EML5: variants seen among roughly 807,000 people sequenced by gnomAD.
EML5 encodes echinoderm microtubule-associated protein-like 5.
Under a neutral mutation model 250.0 loss-of-function variants are expected in EML5, and 120 were observed. The observed-to-expected ratio is 0.48, with a 90% CI of 0.41 to 0.56. EML5 has a LOEUF of 0.56. EML5 is among the 20% of genes least tolerant of loss of function. The pLI is 0.00. For synonymous variants in EML5, 771 were observed against 806.5 expected (o/e 0.96, Z 0.75); for missense variants, 2,006 against 2,437.6 (o/e 0.82, Z 3.73).
At chr14:88,658,053 G>T in intron 26 of EML5, 134 bp downstream of exon 26, 1 of 814,778 alleles carries the variant, frequency 1.2e-6, no homozygotes, top group Non-Finnish European at 1.9e-6. Context: ...AATGGATTTT[G>T]ATGTTAAACA....
At chr14:88,734,930 T>A (rs919775692) in intron 7 of EML5, among the ~76,000 whole-genome samples, 26 of 152,116 alleles carry the variant, frequency 1.7e-4, no homozygotes, top group Admixed American at 1.2e-3. Context: ...CTCATTTGGG[T>A]CCTGATTTTA....
chr14:88,678,411 A>T (rs1165277393), intron 21 of EML5, among the ~76,000 whole-genome samples: 1 of 152,156 alleles, frequency 6.6e-6, no homozygotes, highest in Non-Finnish European at 1.5e-5. Context: ...ACAAACCTGC[A>T]CATCCTGCAC....
chr14:88,744,997 C>T (rs185370814), intron 3 of EML5, among the ~76,000 whole-genome samples: 13 of 152,130 alleles, frequency 8.5e-5, no homozygotes, highest in Admixed American at 8.5e-4. Context: ...AAATATTCAA[C>T]CACAATAATA....
intron 21 of EML5, among the ~76,000 whole-genome samples, chr14:88,671,009 C>T (rs569666235): frequency 4.0e-4 from 61 of 152,142 alleles, no homozygotes; most frequent in Non-Finnish European, 7.5e-4. Flanking sequence ...AGGAGAACTT[C>T]CCCAACCTAA....
In EML5 at chr14:88,792,487, G is replaced by A; in HGVS notation, c.17C>T (p.Ala6Val). The change falls in exon 1 of 44, where the codon GCC becomes GTC. Residue 6 changes from alanine (A) to valine (V), a missense_variant. By Grantham distance (64) the Ala-to-Val change is moderately conservative. Around this residue, in one of 7 missense-constraint regions of EML5, gnomAD observed 162 missense variants for 212.2 expected, o/e 0.76. Transcript: ENST00000554922. The surrounding 1 kb of genome is among the most constrained non-coding windows in gnomAD (Gnocchi z 6.9). ...CTCGAGCCGCAGGTGGCAGCTCGGG[G>A]CGCTCCGGGCCGCCATGTCGGGGCG... MAARS[A>V]PSCHLRLEWV... The A allele has an allele frequency of 2.1e-6, 3 of 1,449,422 alleles. No homozygotes were observed. The highest frequency in any genetic ancestry group is 2.7e-6 in the Non-Finnish European group (3 of 1,093,466). The allele number at this position is 1,449,422 out of a possible 1,614,324, so 89.8% of individuals were successfully genotyped here.
In EML5 at chr14:88,738,866, G is replaced by A. The variant is rs561009192; in HGVS notation, c.847+13C>T. On this transcript the variant is annotated intron_variant, in intron 6 of 43. Transcript: ENST00000554922. ...GAGTTTGCCTAGTAATAAGACATTT[G>A]TTTTGTTATTACCTTTGTATCCCTG... 14 of 1,552,890 alleles carry A rather than the reference G, an allele frequency of 9.0e-6. No individual in the cohort carries two copies. In the East Asian group the frequency reaches 3.3e-4, roughly 37 times the overall value.
At chr14:88,752,226 C>T (rs1336856847) in intron 2 of EML5, among the ~76,000 whole-genome samples, 4 of 151,958 alleles carry the variant, frequency 2.6e-5, no homozygotes, top group Non-Finnish European at 5.9e-5. Context: ...CTCAGCAATG[C>T]AATATATTAC....
intron 33 of EML5, 67 bp from the exon 34 acceptor site, chr14:88,627,886 T>G (rs1397835264): frequency 7.1e-7 from 1 of 1,410,196 alleles, no homozygotes; most frequent in South Asian, 1.2e-5. Flanking sequence ...CTAAAGCTTA[T>G]GCATATTCAT....
At chr14:88,616,589 A>G (rs1018033068) in intron 42 of EML5, 137 bp downstream of exon 42, 1 of 867,938 alleles carries the variant, frequency 1.2e-6, no homozygotes. Flanking sequence ...TTTTATTTCA[A>G]AGTAAATAGA....
At chr14:88,741,575 A>G (rs892217569) in intron 4 of EML5, among the ~76,000 whole-genome samples, 6 of 152,104 alleles carry the variant, frequency 3.9e-5, no homozygotes, top group Non-Finnish European at 7.4e-5. Context: ...ACACAGTGGC[A>G]AACGCCTGTA....
chr14:88,763,707 A>T (rs1346454725), intron 1 of EML5, among the ~76,000 whole-genome samples: 3 of 152,224 alleles, frequency 2.0e-5, no homozygotes, highest in Non-Finnish European at 4.4e-5. Context: ...AAACAAAAAA[A>T]GGAAATTTCA....
intron 7 of EML5, among the ~76,000 whole-genome samples, chr14:88,732,317 T>C (rs1891762301): frequency 6.6e-6 from 1 of 152,198 alleles, no homozygotes; most frequent in Non-Finnish European, 1.5e-5. Flanking sequence ...ATTTATTAAA[T>C]AGGGAATCGT....
chr14:88,769,790 C>T (rs944017305), intron 1 of EML5, among the ~76,000 whole-genome samples: 4 of 152,054 alleles, frequency 2.6e-5, no homozygotes, highest in East Asian at 1.9e-4. Flanking sequence ...GATTCTAATC[C>T]GAAACCACAG....
At chr14:88,785,440 C>A (rs552243910) in intron 1 of EML5, among the ~76,000 whole-genome samples, 21 of 152,172 alleles carry the variant, frequency 1.4e-4, no homozygotes, top group African/African-American at 4.8e-4. Flanking sequence ...ATCTCATGTA[C>A]CCCATAAATA....
intron 2 of EML5, among the ~76,000 whole-genome samples, 181 bp downstream of exon 2, chr14:88,754,331 C>T (rs1313765136): frequency 6.6e-6 from 1 of 152,056 alleles, no homozygotes; most frequent in African/African-American, 2.4e-5. Context: ...TGAGAAAGTT[C>T]TTGACATGAT....
At chr14:88,748,261 G>T (rs2140318477) in intron 2 of EML5, among the ~76,000 whole-genome samples, 1 of 152,246 alleles carries the variant, frequency 6.6e-6, no homozygotes, top group East Asian at 1.9e-4. Flanking sequence ...AGAAATTCTA[G>T]AAAAAGAACA....
chr14:88,712,580 G>A, intron 9 of EML5, 97 bp from the exon 10 acceptor site: 1 of 913,466 alleles, frequency 1.1e-6, no homozygotes, highest in Non-Finnish European at 1.6e-6. Context: ...AAAATTTAAT[G>A]TATCTTCCCA....
In EML5 at chr14:88,714,952, A is replaced by G. The variant is rs755437246; in HGVS notation, c.1431T>C (p.Phe477=). ...AGAAATTGTTACCTGGCATTCTATAAAAAAGTCTTTTCCCATTTCCATCAT... is the reference window on the plus strand; with the variant it reads ...AGAAATTGTTACCTGGCATTCTATAGAAAAGTCTTTTCCCATTTCCATCAT... The part of the protein sequence containing the change: ...QTNDGNGKRL[F]YRMPGGKEVT... Residue 477 remains phenylalanine, a synonymous_variant, in exon 9 of 44, where the codon TTT becomes TTC. Coordinates refer to ENST00000554922, the MANE Select transcript of EML5 (RefSeq NM_183387.3). 6.2e-7 allele frequency: 1 copy of G among 1,612,042 alleles called. No homozygotes were observed. The highest frequency in any genetic ancestry group is 1.1e-5 in the South Asian group (1 of 90,668).
chr14:88,640,525 AC>A (rs764885194), intron 31 of EML5, among the ~76,000 whole-genome samples: 2 of 152,180 alleles, frequency 1.3e-5, no homozygotes, highest in Admixed American at 6.5e-5. Flanking sequence ...GACACAACAT[AC>A]CAAAATCTTT....
Sources: allele counts gnomAD v4.1 joint callset (sites outside exome capture counted in the v4.1 genomes callset), GRCh38; gene constraint gnomAD v4.1.1; regional missense constraint gnomAD v4.1.1; non-coding constraint Gnocchi (gnomAD v3.1); transcripts MANE v1.5; gene names NCBI Gene and HGNC (gene_info 2026-07-23, HGNC 2026-07-21).